The following SSH2 variants were observed in gnomAD, a reference collection of about 807,000 sequenced individuals.
The protein encoded by SSH2 is slingshot protein phosphatase 2.
Under a neutral mutation model 135.2 loss-of-function variants are expected in SSH2, and 37 were observed. The ratio of observed to expected loss-of-function variants is 0.27; its 90% CI spans 0.21 to 0.36. The LOEUF (loss-of-function observed/expected upper bound fraction) is 0.36, where lower values mean the gene tolerates loss of function less well. Ranked by LOEUF, SSH2 falls within the 10% of genes least tolerant of loss-of-function variation. The pLI, the probability that SSH2 is intolerant of heterozygous loss-of-function variation, is 1.00. For missense variants in SSH2, 1,408 were observed against 1,765.3 expected (o/e 0.80, Z 3.63); for synonymous variants, 628 against 646.2 (o/e 0.97, Z 0.43).
At chr17:29,708,732 T>C (rs777560168) in intron 3 of SSH2, among the ~76,000 whole-genome samples, 29 of 151,658 alleles carry the variant, frequency 1.9e-4, no homozygotes, top group Non-Finnish European at 3.8e-4. Context: ...CATTTGTATG[T>C]GATTACAGAT....
At chr17:29,841,508 C>T (rs1002899382) in intron 2 of SSH2, among the ~76,000 whole-genome samples, 2 of 152,048 alleles carry the variant, frequency 1.3e-5, no homozygotes, top group African/African-American at 4.8e-5. Context: ...TAACAGAAGA[C>T]TAGCCAAGGA....
chr17:29,806,635 C>T (rs2042350855), intron 2 of SSH2, among the ~76,000 whole-genome samples: 1 of 152,180 alleles, frequency 6.6e-6, no homozygotes, highest in Admixed American at 6.5e-5. Flanking sequence ...TGTCATGATC[C>T]AGCCACAACC....
chr17:29,669,539 G>A (rs1479817736), intron 9 of SSH2, among the ~76,000 whole-genome samples: 5 of 152,084 alleles, frequency 3.3e-5, no homozygotes, highest in African/African-American at 1.2e-4. Context: ...ACACAAATCT[G>A]CTTTTTCCTC....
At chr17:29,914,108 T>G (rs1195287554) in intron 1 of SSH2, among the ~76,000 whole-genome samples, 1 of 152,194 alleles carries the variant, frequency 6.6e-6, no homozygotes, top group Non-Finnish European at 1.5e-5. Flanking sequence ...AAAGCTATCT[T>G]ACAAGTGTAT....
At chr17:29,905,609 G>C (rs1256954661) in intron 1 of SSH2, among the ~76,000 whole-genome samples, 2 of 152,206 alleles carry the variant, frequency 1.3e-5, no homozygotes, top group Non-Finnish European at 2.9e-5. Flanking sequence ...TCAGATCTTG[G>C]AGCAAAGTCA....
At chr17:29,733,059 T>C (rs144121226) in intron 3 of SSH2, among the ~76,000 whole-genome samples, 14 of 152,298 alleles carry the variant, frequency 9.2e-5, no homozygotes, top group East Asian at 1.9e-4. Context: ...GGAATCATCA[T>C]TGTATCAATT....
At chr17:29,662,324 GACTGT>G (rs1227518283) in intron 11 of SSH2, among the ~76,000 whole-genome samples, 2 of 152,132 alleles carry the variant, frequency 1.3e-5, no homozygotes, top group Non-Finnish European at 2.9e-5. Flanking sequence ...AGCAAATAAG[GACTGT>G]ACTGTGGGAG....
At chr17:29,710,093 C>A (rs2151144183) in intron 3 of SSH2, among the ~76,000 whole-genome samples, 1 of 152,176 alleles carries the variant, frequency 6.6e-6, no homozygotes, top group East Asian at 1.9e-4. Flanking sequence ...AGGAATGTGG[C>A]CAGGGTGATC....
At chr17:29,750,236 G>T (rs1018706098) in intron 3 of SSH2, among the ~76,000 whole-genome samples, 1 of 151,376 alleles carries the variant, frequency 6.6e-6, no homozygotes, top group South Asian at 2.1e-4. Flanking sequence ...TCAGGAGTTC[G>T]AGATCAGCCT....
At chr17:29,916,472 T>TC (rs1007847434) in intron 1 of SSH2, among the ~76,000 whole-genome samples, 5 of 149,884 alleles carry the variant, frequency 3.3e-5, no homozygotes, top group African/African-American at 7.3e-5. Flanking sequence ...TTTCTTTCTT[T>TC]TTTTTTTTTT....
At chr17:29,908,031 G>A (rs1053848428) in intron 1 of SSH2, among the ~76,000 whole-genome samples, 22 of 151,646 alleles carry the variant, frequency 1.5e-4, no homozygotes, top group African/African-American at 4.8e-4. Context: ...GCCCAGGCTC[G>A]TCTTGAACTC....
At chr17:29,882,504 C>T (rs1260935885) in intron 1 of SSH2, among the ~76,000 whole-genome samples, 1 of 130,020 alleles carries the variant, frequency 7.7e-6, no homozygotes, top group Non-Finnish European at 1.7e-5. Flanking sequence ...GTAATCCCAG[C>T]ACTTTGGGGG....
intron 12 of SSH2, among the ~76,000 whole-genome samples, chr17:29,653,005 A>C (rs1336950761): frequency 6.6e-6 from 1 of 152,186 alleles, no homozygotes; most frequent in Non-Finnish European, 1.5e-5. Context: ...CTCTAATCCC[A>C]TACCTCATAA....
At chr17:29,752,006 T>C (rs1032664547) in intron 3 of SSH2, among the ~76,000 whole-genome samples, 1 of 152,158 alleles carries the variant, frequency 6.6e-6, no homozygotes, top group Admixed American at 6.5e-5. Context: ...ATAAGAAATG[T>C]GTGATTACCA....
chr17:29,915,957 C>T (rs887761678), intron 1 of SSH2, among the ~76,000 whole-genome samples: 4 of 150,104 alleles, frequency 2.7e-5, no homozygotes, highest in African/African-American at 9.8e-5. Flanking sequence ...TTAGGTATAT[C>T]TCCTAATGCT....
intron 1 of SSH2, among the ~76,000 whole-genome samples, chr17:29,878,530 AAT>A (rs1364148224): frequency 1.3e-5 from 2 of 152,224 alleles, no homozygotes; most frequent in Non-Finnish European, 2.9e-5. Context: ...TGATGCTCAA[AAT>A]ATATGTTTAG....
chr17:29,923,386 T>C (rs2067009610), intron 1 of SSH2, among the ~76,000 whole-genome samples: 1 of 151,820 alleles, frequency 6.6e-6, no homozygotes, highest in Non-Finnish European at 1.5e-5. Context: ...TGGGAGGCTG[T>C]CGTGAGAGGA....
At chr17:29,785,492 T>C (rs1160234411) in intron 3 of SSH2, among the ~76,000 whole-genome samples, 2 of 30,720 alleles carry the variant, frequency 6.5e-5, no homozygotes, top group Non-Finnish European at 1.4e-4. Context: ...TGGCGTTTCA[T>C]TTTTTTTTTT....
chr17:29,902,464 C>A (rs1490989631), intron 1 of SSH2, among the ~76,000 whole-genome samples: 6 of 151,854 alleles, frequency 4.0e-5, no homozygotes, highest in East Asian at 1.9e-4. Flanking sequence ...CCATTATTAT[C>A]CTGGAATAAA....
Sources: gnomAD v4.1 joint callset for allele counts (sites outside exome capture counted in the v4.1 genomes callset) on GRCh38, gnomAD v4.1.1 for gene constraint, MANE v1.5 for transcripts, NCBI Gene and HGNC (gene_info 2026-07-23, HGNC 2026-07-21) for gene names.